Variants in CACNA1E observed in about 807,000 individuals in gnomAD.
CACNA1E encodes voltage-dependent R-type calcium channel subunit alpha-1E.
In CACNA1E, 40 loss-of-function variants were observed where a neutral mutation model predicts 259.2. The ratio of observed to expected loss-of-function variants is 0.15; its 90% CI spans 0.12 to 0.20. The LOEUF (loss-of-function observed/expected upper bound fraction) is 0.20, where lower values mean the gene tolerates loss of function less well. Ranked by LOEUF, CACNA1E falls within the 10% of genes least tolerant of loss-of-function variation. The pLI, the probability that CACNA1E is intolerant of heterozygous loss-of-function variation, is 1.00. For synonymous variants in CACNA1E, 1,104 were observed against 1,138.5 expected (o/e 0.97, Z 0.61); for missense variants, 1,874 against 3,040.1 (o/e 0.62, Z 9.02).
intron 7 of CACNA1E, among the ~76,000 whole-genome samples, chr1:181,690,852 T>A (rs910681393): frequency 2.6e-5 from 4 of 152,144 alleles, no homozygotes; most frequent in Non-Finnish European, 4.4e-5. Flanking sequence ...TAGTTTTTTT[T>A]AATCAAGTAT....
intron 21 of CACNA1E, among the ~76,000 whole-genome samples, chr1:181,734,246 A>G (rs1338415995): frequency 6.6e-6 from 1 of 152,058 alleles, no homozygotes; most frequent in Non-Finnish European, 1.5e-5. Flanking sequence ...TCCCTGTACT[A>G]ACATTTTATA....
In CACNA1E at chr1:181,716,135, T is replaced by C; in HGVS notation, c.1315+6T>C. On this transcript the variant is annotated splice_donor_region_variant and intron_variant, in intron 10 of 47. Coordinates refer to ENST00000367573, the MANE Select transcript of CACNA1E (RefSeq NM_001205293.3). Reference sequence around the variant, plus strand: ...TGTTGATATCTCCTCTGTGGGTGAGTGGATCCAGTTAGATCTTTTACTGCT... The same window carrying C: ...TGTTGATATCTCCTCTGTGGGTGAGCGGATCCAGTTAGATCTTTTACTGCT... The C allele has an allele frequency of 1.3e-6, 2 of 1,531,728 alleles. No homozygotes were observed. The highest frequency in any genetic ancestry group is 1.8e-6 in the Non-Finnish European group (2 of 1,126,256). The allele number at this position is 1,531,728 out of a possible 1,614,324, so 94.9% of individuals were successfully genotyped here. A position where few individuals can be genotyped will look rare whatever the true frequency, so the allele number is the denominator to read the frequency against.
At chr1:181,627,432 G>A (rs913057548) in intron 6 of CACNA1E, among the ~76,000 whole-genome samples, 1 of 152,220 alleles carries the variant, frequency 6.6e-6, no homozygotes, top group Non-Finnish European at 1.5e-5. Context: ...GACCGTGAAT[G>A]TTTCTGAGAG....
chr1:181,333,379 A>AT (rs1651435725), intron 1 of CACNA1E, among the ~76,000 whole-genome samples: 2 of 152,044 alleles, frequency 1.3e-5, no homozygotes, highest in Admixed American at 1.3e-4. Flanking sequence ...GGTTGGCAAC[A>AT]TTTTCTGCAA....
intron 5 of CACNA1E, among the ~76,000 whole-genome samples, chr1:181,579,711 G>A (rs192633133): frequency 1.2e-4 from 19 of 152,314 alleles, no homozygotes; most frequent in African/African-American, 3.6e-4. Flanking sequence ...TCTTTGTACA[G>A]CAGCCTCTGA....
chr1:181,676,965 T>C (rs1445921434), intron 7 of CACNA1E, among the ~76,000 whole-genome samples: 2 of 152,226 alleles, frequency 1.3e-5, no homozygotes, highest in Non-Finnish European at 2.9e-5. Flanking sequence ...CATCATCCTT[T>C]GCTCATTCCT....
intron 1 of CACNA1E, among the ~76,000 whole-genome samples, chr1:181,404,201 T>C (rs1571781647): frequency 6.6e-6 from 1 of 152,338 alleles, no homozygotes; most frequent in East Asian, 1.9e-4. Context: ...GGTTGGGGGA[T>C]GGAACGATCT....
At chr1:181,421,645 T>C (rs1489073748) in intron 2 of CACNA1E, among the ~76,000 whole-genome samples, 1 of 152,216 alleles carries the variant, frequency 6.6e-6, no homozygotes, top group East Asian at 1.9e-4. Context: ...ATGGCACCAC[T>C]ATTTCTCCAG....
At chr1:181,556,650 A>C (rs1421679664) in intron 3 of CACNA1E, among the ~76,000 whole-genome samples, 1 of 152,166 alleles carries the variant, frequency 6.6e-6, no homozygotes, top group Admixed American at 6.5e-5. Flanking sequence ...TCTCCTTCTT[A>C]TATTGCATTT....
At chr1:181,475,507 G>T (rs1662781148) in intron 2 of CACNA1E, among the ~76,000 whole-genome samples, 1 of 152,162 alleles carries the variant, frequency 6.6e-6, no homozygotes, top group African/African-American at 2.4e-5. Context: ...CAGAAAAGAG[G>T]AAGAATATTT....
At chr1:181,699,257 C>T (rs1464664973) in intron 7 of CACNA1E, among the ~76,000 whole-genome samples, 3 of 152,182 alleles carry the variant, frequency 2.0e-5, no homozygotes, top group Non-Finnish European at 4.4e-5. Flanking sequence ...TGATGGTGAA[C>T]ATGGCAGAAG....
At chr1:181,690,623 C>G (rs1465420891) in intron 7 of CACNA1E, among the ~76,000 whole-genome samples, 1 of 152,146 alleles carries the variant, frequency 6.6e-6, no homozygotes, top group African/African-American at 2.4e-5. Flanking sequence ...GAATATTTTT[C>G]CATTTGTTTG....
At position 181,762,612 on chromosome 1, in the gene CACNA1E, C is replaced by G; in HGVS notation, c.4644C>G (p.Ile1548Met). 1 of 1,610,346 alleles carries G rather than the reference C, an allele frequency of 6.2e-7. No homozygotes were observed. Among genetic ancestry groups the G allele is most frequent in the Non-Finnish European group, 8.5e-7 (1 of 1,177,504 alleles). Reference protein sequence around the residue: ...FRDTWNIFDFITVIGSITEII... With the variant: ...FRDTWNIFDFMTVIGSITEII... ...ACACCTGGAATATCTTTGACTTCAT[C>G]ACCGTGATTGGCAGTATCACAGAAA... The change falls in exon 33 of 48, where the codon ATC (isoleucine) becomes ATG (methionine). Residue 1548 changes from isoleucine (I) to methionine (M), a missense_variant. By Grantham distance (10) the Ile-to-Met change is conservative. Around this residue, in one of 14 missense-constraint regions of CACNA1E, gnomAD observed 188 missense variants for 540.6 expected, o/e 0.35. Coordinates refer to ENST00000367573, the MANE Select transcript of CACNA1E (RefSeq NM_001205293.3).
intron 1 of CACNA1E, among the ~76,000 whole-genome samples, chr1:181,411,561 T>C (rs983600996): frequency 6.6e-6 from 1 of 152,204 alleles, no homozygotes; most frequent in Admixed American, 6.5e-5. Context: ...TCCAGGGTCC[T>C]TTCCTTCACA....
At chr1:181,398,069 T>C (rs554882403) in intron 1 of CACNA1E, among the ~76,000 whole-genome samples, 73 of 152,356 alleles carry the variant, frequency 4.8e-4, no homozygotes, top group Admixed American at 1.2e-3. Flanking sequence ...GTCCCCACTC[T>C]GAAGCTCAGC....
chr1:181,371,191 C>T (rs2804691), intron 1 of CACNA1E, among the ~76,000 whole-genome samples: 78,934 of 152,112 alleles, frequency 0.52, 22,044 homozygotes, highest in African/African-American at 0.74. Flanking sequence ...ATGCATAGTT[C>T]ATGAATATTT....
At chr1:181,368,547 T>C (rs1654452428) in intron 1 of CACNA1E, among the ~76,000 whole-genome samples, 1 of 152,158 alleles carries the variant, frequency 6.6e-6, no homozygotes, top group Non-Finnish European at 1.5e-5. Flanking sequence ...TATGGAGCTG[T>C]AGTAACAACT....
At chr1:181,380,657 C>A (rs1655396198) in intron 1 of CACNA1E, among the ~76,000 whole-genome samples, 1 of 152,098 alleles carries the variant, frequency 6.6e-6, no homozygotes, top group African/African-American at 2.4e-5. Context: ...GGCACCACTA[C>A]ATGTCTATTA....
At chr1:181,350,144 C>T (rs560991154) in intron 1 of CACNA1E, among the ~76,000 whole-genome samples, 2 of 152,280 alleles carry the variant, frequency 1.3e-5, no homozygotes, top group Non-Finnish European at 2.9e-5. Flanking sequence ...CAAACCAGAG[C>T]CTGAATTAAT....
Sources: gnomAD v4.1 joint callset for allele counts (sites outside exome capture counted in the v4.1 genomes callset) on GRCh38, gnomAD v4.1.1 for gene constraint, gnomAD v4.1.1 regional missense constraint, MANE v1.5 for transcripts, NCBI Gene and HGNC (gene_info 2026-07-23, HGNC 2026-07-21) for gene names.